Variants in NTNG1 observed in about 807,000 individuals in gnomAD.
NTNG1 encodes the protein netrin-G1.
In NTNG1, 16 loss-of-function variants were observed where a neutral mutation model predicts 54.0. That is an observed-to-expected ratio of 0.30 (90% CI 0.20 to 0.45). The LOEUF (loss-of-function observed/expected upper bound fraction) is 0.45, where lower values mean the gene tolerates loss of function less well. NTNG1 is among the 20% of genes least tolerant of loss of function. The pLI is 1.00. For synonymous variants in NTNG1, 255 were observed against 263.1 expected (o/e 0.97, Z 0.30); for missense variants, 530 against 678.7 (o/e 0.78, Z 2.43).
chr1:107,460,434 T>G (rs757086676), intron 7 of NTNG1: 1 of 518,592 alleles, frequency 1.9e-6, no homozygotes, highest in African/African-American at 1.9e-5. Flanking sequence ...TGGGAAAACT[T>G]TGGCAATTAA....
At chr1:107,170,595 C>T (rs1028949696) in intron 2 of NTNG1, among the ~76,000 whole-genome samples, 2 of 151,908 alleles carry the variant, frequency 1.3e-5, no homozygotes, top group Non-Finnish European at 2.9e-5. Context: ...ATAAATGGAA[C>T]ATAATTATTG....
intron 7 of NTNG1, among the ~76,000 whole-genome samples, chr1:107,461,154 A>T (rs1008524578): frequency 6.6e-6 from 1 of 152,202 alleles, no homozygotes; most frequent in African/African-American, 2.4e-5. Context: ...ACATACATAG[A>T]CCCTGCTCTC....
At position 107,278,792 on chromosome 1, in the gene NTNG1, T is replaced by TA. The variant is rs892878743; in HGVS notation, c.247-45482dup. ...TCTTCTGTTGATTATTTTCGTAACT[T>TA]AAAAAAAAGATTTTCTTGATGTCTT... On this transcript the variant is annotated intron_variant, in intron 2 of 7. Coordinates refer to ENST00000370068, the MANE Select transcript of NTNG1 (RefSeq NM_001113226.3). 3.3e-5 allele frequency among the ~76,000 whole-genome samples: 5 copies of TA among 152,034 alleles called. No homozygotes were observed. The East Asian group carries it at 7.7e-4, about 23-fold the overall frequency.
At chr1:107,457,419 A>C (rs570404812) in intron 7 of NTNG1, among the ~76,000 whole-genome samples, 4 of 152,190 alleles carry the variant, frequency 2.6e-5, no homozygotes, top group Admixed American at 6.5e-5. Context: ...AGTGCTATAG[A>C]TATACAGATA....
intron 3 of NTNG1, among the ~76,000 whole-genome samples, chr1:107,378,622 C>T (rs898909069): frequency 3.9e-5 from 6 of 152,132 alleles, no homozygotes; most frequent in Non-Finnish European, 8.8e-5. Flanking sequence ...GGTATGGAGC[C>T]AATGTCAGGC....
intron 2 of NTNG1, among the ~76,000 whole-genome samples, chr1:107,254,476 C>T (rs1315131128): frequency 6.6e-6 from 1 of 152,248 alleles, no homozygotes; most frequent in African/African-American, 2.4e-5. Flanking sequence ...TGAGTCTGCC[C>T]TGGCAATGGG....
At chr1:107,477,406 T>C (rs1228866778) in intron 7 of NTNG1, among the ~76,000 whole-genome samples, 2 of 152,240 alleles carry the variant, frequency 1.3e-5, no homozygotes, top group African/African-American at 4.8e-5. Flanking sequence ...CTTCCATGCC[T>C]CCTACTTTCT....
chr1:107,406,757 C>T (rs567018673), intron 4 of NTNG1, among the ~76,000 whole-genome samples: 1 of 152,226 alleles, frequency 6.6e-6, no homozygotes, highest in South Asian at 2.1e-4. Flanking sequence ...TGATTTACAT[C>T]TATCAGTTTA....
intron 1 of NTNG1, among the ~76,000 whole-genome samples, chr1:107,142,158 A>G (rs1653776767): frequency 1.3e-5 from 2 of 152,218 alleles, no homozygotes; most frequent in African/African-American, 2.4e-5. Flanking sequence ...GCACTCCTGT[A>G]TGGATCTGTG....
chr1:107,388,269 T>C (rs1672140175), intron 3 of NTNG1, among the ~76,000 whole-genome samples: 1 of 152,170 alleles, frequency 6.6e-6, no homozygotes, highest in Non-Finnish European at 1.5e-5. Flanking sequence ...TCAGATACTA[T>C]CTTAAGGGCT....
intron 2 of NTNG1, among the ~76,000 whole-genome samples, chr1:107,162,934 T>C (rs1044345570): frequency 4.6e-5 from 7 of 152,032 alleles, no homozygotes; most frequent in African/African-American, 1.7e-4. Flanking sequence ...AACCTGAGGG[T>C]GATGTGTAAC....
chr1:107,342,290 G>A (rs1049731138), intron 3 of NTNG1, among the ~76,000 whole-genome samples: 1 of 152,002 alleles, frequency 6.6e-6, no homozygotes, highest in Non-Finnish European at 1.5e-5. Context: ...TAAAGAAAAA[G>A]TATGACTGAA....
intron 2 of NTNG1, among the ~76,000 whole-genome samples, chr1:107,282,107 C>T (rs1557867108): frequency 6.6e-6 from 1 of 152,140 alleles, no homozygotes; most frequent in Non-Finnish European, 1.5e-5. Context: ...TTGTGTATCT[C>T]TTTCTTAAAA....
intron 7 of NTNG1, among the ~76,000 whole-genome samples, chr1:107,443,112 C>T (rs1013545047): frequency 3.9e-5 from 6 of 152,018 alleles, no homozygotes; most frequent in Non-Finnish European, 8.8e-5. Context: ...CTTCAACTTC[C>T]CAGCTTTAAC....
At chr1:107,391,044 T>C (rs141008074) in intron 3 of NTNG1, among the ~76,000 whole-genome samples, 1 of 152,306 alleles carries the variant, frequency 6.6e-6, no homozygotes, top group Non-Finnish European at 1.5e-5. Context: ...ATATACAGGT[T>C]AATATCTGAA....
chr1:107,302,831 G>T (rs112886604), intron 2 of NTNG1, among the ~76,000 whole-genome samples: 4 of 152,206 alleles, frequency 2.6e-5, no homozygotes, highest in African/African-American at 9.6e-5. Context: ...ACTTTTCTAA[G>T]CTAGCTTGGT....
chr1:107,238,064 C>T (rs780334860), intron 2 of NTNG1, among the ~76,000 whole-genome samples: 6 of 152,126 alleles, frequency 3.9e-5, no homozygotes, highest in Non-Finnish European at 8.8e-5. Flanking sequence ...CGCTCAACAC[C>T]AGCCCTTGAA....
intron 2 of NTNG1, among the ~76,000 whole-genome samples, chr1:107,188,376 C>G (rs565119250): frequency 1.8e-4 from 28 of 152,222 alleles, no homozygotes; most frequent in Admixed American, 4.6e-4. Context: ...AGGTCTATAC[C>G]TTGGCCCCAG....
At chr1:107,200,881 A>G (rs1557804031) in intron 2 of NTNG1, among the ~76,000 whole-genome samples, 1 of 151,842 alleles carries the variant, frequency 6.6e-6, no homozygotes, top group Non-Finnish European at 1.5e-5. Flanking sequence ...TAGGAAAGCT[A>G]TGACTCAGTT....
Sources: allele counts gnomAD v4.1 joint callset (sites outside exome capture counted in the v4.1 genomes callset), GRCh38; gene constraint gnomAD v4.1.1; transcripts MANE v1.5; gene names NCBI Gene and HGNC (gene_info 2026-07-23, HGNC 2026-07-21).